Variants in XKR3 observed in about 807,000 individuals in gnomAD.
XKR3 encodes the protein XK related 3.
In XKR3, 27 loss-of-function variants were observed where a neutral mutation model predicts 40.3. That is an observed-to-expected ratio of 0.67 (90% CI 0.49 to 0.92). The LOEUF is 0.92. Among genes scored for constraint, XKR3 ranks in the 40% least tolerant of loss-of-function variants. The pLI, the probability that XKR3 is intolerant of heterozygous loss-of-function variation, is 0.00. For synonymous variants in XKR3, 193 were observed against 195.4 expected (o/e 0.99, Z 0.10); for missense variants, 472 against 537.6 (o/e 0.88, Z 1.21).
intron 3 of XKR3, among the ~76,000 whole-genome samples, chr22:16,794,092 G>C (rs1488972346): frequency 6.6e-6 from 1 of 152,162 alleles, no homozygotes; most frequent in Non-Finnish European, 1.5e-5. Flanking sequence ...ATTCCAGAGA[G>C]AAAAGGAGGA....
At chr22:16,791,283 A>G (rs1175461953) in intron 3 of XKR3, among the ~76,000 whole-genome samples, 1 of 151,798 alleles carries the variant, frequency 6.6e-6, no homozygotes, top group African/African-American at 2.4e-5. Flanking sequence ...ACGTTGAGTG[A>G]AAAAAAATGG....
At chr22:16,808,164 T>G (rs1197384444) in intron 1 of XKR3, 81 bp from the exon 2 acceptor site, 1 of 1,045,316 alleles carries the variant, frequency 9.6e-7, no homozygotes, top group Non-Finnish European at 1.4e-6. Flanking sequence ...AGATTCTCTA[T>G]AATTCACTAT....
rs761334127 is a variant in XKR3 at position 16,807,987 on chromosome 22, G to C, written c.87C>G (p.Leu29=). ...TAATGCTAAAAGGAAAGCTTAGATG[G>C]AGTCTCTGGCCAAGGACTATTTCTT... ...SKEEIVLGQR[L]HLSFPFSIIF... is the part of the protein sequence containing the mutation. Residue 29 remains leucine, a synonymous_variant, in exon 2 of 4, where the codon CTC becomes CTG. Transcript: ENST00000684488. The C allele has an allele frequency of 6.2e-7, 1 of 1,613,960 alleles. No individual in the cohort carries two copies. Among genetic ancestry groups the C allele is most frequent in the Non-Finnish European group, 8.5e-7 (1 of 1,179,908 alleles).
intron 3 of XKR3, among the ~76,000 whole-genome samples, chr22:16,786,651 G>A (rs1395423932): frequency 2.4e-4 from 37 of 152,180 alleles, no homozygotes; most frequent in African/African-American, 8.9e-4. Flanking sequence ...AATTACTTCA[G>A]CCATCAAAGT....
intron 3 of XKR3, among the ~76,000 whole-genome samples, chr22:16,786,174 C>G (rs1298631510): frequency 1.3e-5 from 2 of 151,838 alleles, no homozygotes; most frequent in Admixed American, 1.3e-4. Flanking sequence ...CTTTAGGAGG[C>G]TGAGGTGAAT....
Position 16,783,723 on chromosome 22 carries a change from T to C in XKR3, c.1276A>G (p.Ile426Val). ...TTTTTATTCTTTTCAGTTTTCTCGATGTTTACATAATAGTACGGTGCTTCT... is the reference window on the plus strand; with the variant it reads ...TTTTTATTCTTTTCAGTTTTCTCGACGTTTACATAATAGTACGGTGCTTCT... ...QPEAPYYYVN[I>V]EKTEKNKNKQ... The change falls in exon 4 of 4, where the codon ATC becomes GTC. Residue 426 changes from isoleucine to valine, a missense_variant. Transcript: ENST00000684488. 1.2e-6 allele frequency: 2 copies of C among 1,614,146 alleles called. No homozygotes were observed. Among genetic ancestry groups the C allele is most frequent in the Non-Finnish European group, 1.7e-6 (2 of 1,180,026 alleles).
intron 3 of XKR3, among the ~76,000 whole-genome samples, chr22:16,797,856 G>A (rs2060149107): frequency 6.7e-6 from 1 of 149,656 alleles, no homozygotes; most frequent in Non-Finnish European, 1.5e-5. Flanking sequence ...AGACATACAA[G>A]TGTCCAACAA....
intron 2 of XKR3, among the ~76,000 whole-genome samples, chr22:16,804,286 C>A (rs1195250855): frequency 6.6e-6 from 1 of 152,140 alleles, no homozygotes; most frequent in East Asian, 1.9e-4. Flanking sequence ...GCCCTACAAA[C>A]CATAAATTCT....
intron 1 of XKR3, among the ~76,000 whole-genome samples, chr22:16,814,084 T>C (rs1193308911): frequency 1.3e-5 from 2 of 152,228 alleles, no homozygotes; most frequent in Non-Finnish European, 2.9e-5. Flanking sequence ...GTGTTTTTGG[T>C]TACATATTGA....
In XKR3 at chr22:16,800,029, T is replaced by G; in HGVS notation, c.336-5A>C. ...TTTCTAATGGTGTGCAAACACCTGT[T>G]AACATGAAGTAACATCCAAGATTAA... On this transcript the variant is annotated splice_polypyrimidine_tract_variant and splice_region_variant and intron_variant, in intron 2 of 3. Coordinates refer to ENST00000684488, the MANE Select transcript of XKR3 (RefSeq NM_001386955.1). The G allele has an allele frequency of 1.2e-6, 2 of 1,610,290 alleles. No homozygotes were observed. Among genetic ancestry groups the G allele is most frequent in the Non-Finnish European group, 1.7e-6 (2 of 1,177,616 alleles).
Position 16,790,594 on chromosome 22 carries a change from T to C in XKR3, c.590-6185A>G, listed in dbSNP as rs1333024415. On this transcript the variant is annotated intron_variant, in intron 3 of 3. Transcript: ENST00000684488. ...GAAGGAGAACATCAGTGAAAACAACTAATGGACACTAGGCTTAATACCTGG... is the reference window on the plus strand; with the variant it reads ...GAAGGAGAACATCAGTGAAAACAACCAATGGACACTAGGCTTAATACCTGG... 3.3e-5 allele frequency among the ~76,000 whole-genome samples: 5 copies of C among 152,222 alleles called. No individual in the cohort carries two copies. In the East Asian group the frequency reaches 9.7e-4, roughly 29 times the overall value.
At chr22:16,816,460 C>CAGTT (rs1471312000) in intron 1 of XKR3, among the ~76,000 whole-genome samples, 1 of 151,276 alleles carries the variant, frequency 6.6e-6, no homozygotes, top group Non-Finnish European at 1.5e-5. Context: ...CAAAAGGGCC[C>CAGTT]AGTTAGTTGA....
At chr22:16,801,451 A>G (rs1357326532) in intron 2 of XKR3, among the ~76,000 whole-genome samples, 1 of 152,174 alleles carries the variant, frequency 6.6e-6, no homozygotes, top group East Asian at 1.9e-4. Context: ...CTGAGGCAGG[A>G]GTATCGCTTG....
chr22:16,795,404 A>C (rs1234151567), intron 3 of XKR3, among the ~76,000 whole-genome samples: 7 of 152,220 alleles, frequency 4.6e-5, no homozygotes, highest in Admixed American at 4.6e-4. Flanking sequence ...CAGTCAAAGC[A>C]GAGTTAATTG....
chr22:16,788,444 A>C, intron 3 of XKR3, among the ~76,000 whole-genome samples: 1 of 152,146 alleles, frequency 6.6e-6, no homozygotes, highest in East Asian at 1.9e-4. Context: ...AGATGTCATA[A>C]CTGACACCCA....
intron 1 of XKR3, among the ~76,000 whole-genome samples, chr22:16,814,160 T>C (rs1433936431): frequency 6.6e-6 from 1 of 152,218 alleles, no homozygotes; most frequent in Non-Finnish European, 1.5e-5. Flanking sequence ...TTTTATTTTA[T>C]TGTGTTCAGC....
At chr22:16,800,094 T>C in intron 2 of XKR3, 70 bp from the exon 3 acceptor site, 7 of 1,540,182 alleles carry the variant, frequency 4.5e-6, no homozygotes, top group Non-Finnish European at 6.1e-6. Flanking sequence ...TTTGAAAGTT[T>C]ATCAGGAGAG....
intron 1 of XKR3, among the ~76,000 whole-genome samples, chr22:16,816,234 G>T (rs1321588036): frequency 1.3e-5 from 2 of 151,546 alleles, no homozygotes; most frequent in Non-Finnish European, 3.0e-5. Context: ...CTCTGCCTTT[G>T]CCGCCTCTCT....
chr22:16,803,764 C>T (rs1470013926), intron 2 of XKR3, among the ~76,000 whole-genome samples: 1 of 152,116 alleles, frequency 6.6e-6, no homozygotes, highest in East Asian at 1.9e-4. Flanking sequence ...CCTATAAGGG[C>T]TAAAAAGGGG....
Sources: gnomAD v4.1 joint callset for allele counts (sites outside exome capture counted in the v4.1 genomes callset) on GRCh38, gnomAD v4.1.1 for gene constraint, MANE v1.5 for transcripts, NCBI Gene and HGNC (gene_info 2026-07-23, HGNC 2026-07-21) for gene names.